GPR158: variants seen among roughly 807,000 people sequenced by gnomAD.
GPR158 encodes the protein metabotropic glycine receptor.
Under a neutral mutation model 78.2 loss-of-function variants are expected in GPR158, and 30 were observed. The ratio of observed to expected loss-of-function variants is 0.38; its 90% confidence interval spans 0.29 to 0.52. The LOEUF (loss-of-function observed/expected upper bound fraction) is 0.52. Among genes scored for constraint, GPR158 ranks in the 20% least tolerant of loss-of-function variants. GPR158 has a pLI of 0.83. For missense variants in GPR158, 1,463 were observed against 1,523.5 expected (o/e 0.96, Z 0.66); for synonymous variants, 581 against 591.1 (o/e 0.98, Z 0.25).
chr10:25,343,522 G>T (rs1224672268), intron 2 of GPR158, among the ~76,000 whole-genome samples: 2 of 151,868 alleles, frequency 1.3e-5, no homozygotes, highest in Non-Finnish European at 2.9e-5. Flanking sequence ...TTTCCAGTTT[G>T]TTCATAAAAT....
rs531638604 is a variant in GPR158 at position 25,193,439 on chromosome 10, A to C, written c.902+17117A>C. 7.2e-5 allele frequency among the ~76,000 whole-genome samples: 11 copies of C among 152,338 alleles called. No homozygotes were observed. In the East Asian group the frequency reaches 2.1e-3, roughly 29 times the overall value. On this transcript the variant is annotated intron_variant, in intron 1 of 10. Coordinates refer to ENST00000376351, the MANE Select transcript of GPR158 (RefSeq NM_020752.3). ...TCCAGAGAGGAAGCCACAAGAACAA[A>C]GACCTCGAGATGGAATGAACTCTGT...
chr10:25,484,523 T>TCACTGA (rs1835706616), intron 5 of GPR158, among the ~76,000 whole-genome samples: 1 of 152,302 alleles, frequency 6.6e-6, no homozygotes, highest in Admixed American at 6.5e-5. Context: ...GATCCTGAGA[T>TCACTGA]TACCTTCATG....
chr10:25,592,374 T>C (rs1837352824), intron 8 of GPR158, among the ~76,000 whole-genome samples: 1 of 152,052 alleles, frequency 6.6e-6, no homozygotes. Context: ...TTTTTAGTGC[T>C]AAGCATAAAG....
chr10:25,435,293 T>A (rs1209880797), intron 4 of GPR158, among the ~76,000 whole-genome samples: 1 of 152,044 alleles, frequency 6.6e-6, no homozygotes, highest in East Asian at 1.9e-4. Flanking sequence ...TGAAGGAAAG[T>A]AACAAAGTGA....
chr10:25,303,679 A>G (rs1281629487), intron 2 of GPR158, among the ~76,000 whole-genome samples: 1 of 152,232 alleles, frequency 6.6e-6, no homozygotes. Flanking sequence ...TTGTAAGTCA[A>G]AATGAATCTC....
intron 1 of GPR158, among the ~76,000 whole-genome samples, chr10:25,208,108 G>A (rs1269060071): frequency 6.6e-6 from 1 of 152,192 alleles, no homozygotes; most frequent in African/African-American, 2.4e-5. Flanking sequence ...CAATTGTGCA[G>A]AGCAGGGTTT....
chr10:25,415,812 A>G (rs574526654), intron 4 of GPR158, among the ~76,000 whole-genome samples: 1 of 152,196 alleles, frequency 6.6e-6, no homozygotes, highest in South Asian at 2.1e-4. Flanking sequence ...ATTCATACAG[A>G]CAAGTAGATT....
intron 2 of GPR158, among the ~76,000 whole-genome samples, chr10:25,288,212 A>C (rs1854380897): frequency 6.6e-6 from 1 of 152,168 alleles, no homozygotes; most frequent in Non-Finnish European, 1.5e-5. Flanking sequence ...AAGTCATCCT[A>C]CCTCCTAAAT....
chr10:25,317,204 C>A (rs1025331711), intron 2 of GPR158, among the ~76,000 whole-genome samples: 3 of 151,746 alleles, frequency 2.0e-5, no homozygotes, highest in Non-Finnish European at 4.4e-5. Context: ...ATCACCACAC[C>A]AGGCTAATTT....
chr10:25,369,651 CA>C (rs754189371), intron 2 of GPR158, among the ~76,000 whole-genome samples: 3 of 151,730 alleles, frequency 2.0e-5, no homozygotes, highest in Non-Finnish European at 2.9e-5. Flanking sequence ...TGTCTCTGCC[CA>C]GCTTTGCTGT....
chr10:25,450,057 A>G (rs569569589), intron 4 of GPR158, among the ~76,000 whole-genome samples: 1 of 152,046 alleles, frequency 6.6e-6, no homozygotes, highest in South Asian at 2.1e-4. Context: ...TGGCTAATAC[A>G]TGGGAGACAT....
At chr10:25,405,690 G>T (rs1020225450) in intron 3 of GPR158, among the ~76,000 whole-genome samples, 7 of 151,058 alleles carry the variant, frequency 4.6e-5, no homozygotes, top group Non-Finnish European at 8.9e-5. Flanking sequence ...GACATAGAGA[G>T]GGTTCTACTC....
chr10:25,176,171 C>T lies in GPR158; in HGVS notation c.751C>T (p.Arg251Trp). The change falls in exon 1 of 11, where the codon CGG becomes TGG. Residue 251 changes from arginine to tryptophan, a missense_variant. Arg to Trp is a moderately radical substitution (Grantham distance 101). Transcript: ENST00000376351. The surrounding 1 kb of genome is among the most constrained non-coding windows in gnomAD (Gnocchi z 6.3). ...QGPRGLGHSW[R>W]RKDGLGGDKS... Reference sequence around the variant, plus strand: ...GCCCCGGGGCCTGGGCCACAGCTGGCGGCGCAAGGACGGGCTCGGCGGGGA... The same window carrying T: ...GCCCCGGGGCCTGGGCCACAGCTGGTGGCGCAAGGACGGGCTCGGCGGGGA... 1.9e-6 allele frequency: 3 copies of T among 1,578,556 alleles called. No homozygotes were observed. The highest frequency in any genetic ancestry group is 2.6e-6 in the Non-Finnish European group (3 of 1,163,702).
chr10:25,477,340 T>C (rs936511105), intron 5 of GPR158, among the ~76,000 whole-genome samples: 6 of 152,200 alleles, frequency 3.9e-5, no homozygotes, highest in African/African-American at 1.4e-4. Flanking sequence ...AAAATTACTT[T>C]AGATTTGACA....
chr10:25,561,885 G>A (rs142255149), intron 6 of GPR158, among the ~76,000 whole-genome samples: 63 of 152,214 alleles, frequency 4.1e-4, no homozygotes, highest in African/African-American at 1.2e-3. Flanking sequence ...TAGTCATACC[G>A]CAGGTAAGAA....
chr10:25,313,031 A>G (rs540051717), intron 2 of GPR158, among the ~76,000 whole-genome samples: 2 of 152,164 alleles, frequency 1.3e-5, no homozygotes, highest in African/African-American at 4.8e-5. Context: ...TGGGGTTTGC[A>G]TACCTTACTT....
chr10:25,207,792 G>A (rs927912984), intron 1 of GPR158, among the ~76,000 whole-genome samples: 7 of 152,132 alleles, frequency 4.6e-5, no homozygotes, highest in African/African-American at 1.4e-4. Context: ...AATCATAAAG[G>A]TATAGCTGGC....
chr10:25,522,466 C>A (rs1350485305), intron 5 of GPR158, among the ~76,000 whole-genome samples: 1 of 152,126 alleles, frequency 6.6e-6, no homozygotes, highest in African/African-American at 2.4e-5. Context: ...ATGGCAATGC[C>A]AACTTCCATC....
intron 1 of GPR158, among the ~76,000 whole-genome samples, chr10:25,197,856 C>A (rs947011154): frequency 1.3e-5 from 2 of 152,144 alleles, no homozygotes; most frequent in African/African-American, 4.8e-5. Context: ...ATAGAAGTGA[C>A]CTCCTTGCAC....
Sources: allele counts gnomAD v4.1 joint callset (sites outside exome capture counted in the v4.1 genomes callset), GRCh38; gene constraint gnomAD v4.1.1; non-coding constraint Gnocchi (gnomAD v3.1); transcripts MANE v1.5; gene names NCBI Gene and HGNC (gene_info 2026-07-23, HGNC 2026-07-21).